DELE1: variants seen among roughly 807,000 people sequenced by gnomAD.
DELE1 encodes the protein death ligand signal enhancer.
In DELE1, 54 loss-of-function variants were observed where a neutral mutation model predicts 59.3. The ratio of observed to expected loss-of-function variants is 0.91; its 90% confidence interval spans 0.73 to 1.14. The LOEUF (loss-of-function observed/expected upper bound fraction) is 1.14. DELE1 is among the 50% of genes most tolerant of loss of function. DELE1 has a pLI of 0.00. For synonymous variants in DELE1, 264 were observed against 259.1 expected, an observed-to-expected ratio of 1.02 and a Z score of -0.18; for missense variants, 636 against 643.9, an observed-to-expected ratio of 0.99 and a Z score of 0.13.
Position 141,937,179 on chromosome 5 carries a change from C to A in DELE1, c.1150-19C>A, listed in dbSNP as rs760006904. ...TTCCTGCATGTGTGTATCTGTTTGT[C>A]TGTCCATTTTCTCCTTAGGACTCAC... On this transcript the variant is annotated intron_variant, in intron 10 of 11. Transcript: ENST00000432126. 1 of 1,613,580 alleles carries A rather than the reference C, an allele frequency of 6.2e-7. No homozygotes were observed. Among genetic ancestry groups the A allele is most frequent in the African/African-American group, 1.3e-5 (1 of 74,916 alleles).
chr5:141,937,081 C>T lies in DELE1; in HGVS notation c.1150-117C>T, dbSNP rs986035735. On this transcript the variant is annotated intron_variant, in intron 10 of 11. Transcript: ENST00000432126. ...GCTATGGGGCGGGCCAGGACTGGGC[C>T]TTGACCGTGTGTGGATGAAGTCCCA... 5.8e-6 allele frequency: 9 copies of T among 1,550,974 alleles called. No homozygotes were observed. In the African/African-American group the frequency reaches 9.5e-5, roughly 16 times the overall value.
At chr5:141,936,960 A>G in intron 10 of DELE1, 6 of 1,336,880 alleles carry the variant, frequency 4.5e-6, no homozygotes, top group Non-Finnish European at 5.8e-6. Flanking sequence ...AAGCCTCCAC[A>G]CTGCCCTGGC....
intron 10 of DELE1, among the ~76,000 whole-genome samples, chr5:141,935,567 CT>C (rs1752284143): frequency 1.3e-5 from 2 of 152,318 alleles, no homozygotes; most frequent in East Asian, 3.9e-4. Context: ...CATCAGAATG[CT>C]TTTCCTTGTC....
chr5:141,941,950 C>T lies in DELE1; in HGVS notation c.*3191C>T, dbSNP rs1036909957. On this transcript the variant is annotated 3_prime_UTR_variant, in exon 12 of 12. Transcript: ENST00000432126. ...TAATTCTGTATTGCCCCCCACTCGC[C>T]GCCTATACACACGCACACACGCACA... The T allele has an allele frequency of 3.7e-5, 36 of 984,954 alleles. No individual in the cohort carries two copies. The highest frequency in any genetic ancestry group is 8.8e-5 in the African/African-American group (5 of 56,924). 61.0% of individuals were successfully genotyped at this position (984,954 alleles called of 1,614,324 possible).
At chr5:141,935,618 A>T (rs1752287525) in intron 10 of DELE1, among the ~76,000 whole-genome samples, 1 of 152,216 alleles carries the variant, frequency 6.6e-6, no homozygotes. Context: ...AGCTGTCAAA[A>T]GGGGACCAAT....
intron 3 of DELE1, among the ~76,000 whole-genome samples, chr5:141,927,940 A>G (rs1751551439): frequency 6.6e-6 from 1 of 152,222 alleles, no homozygotes. Context: ...ATAGACTAAC[A>G]GGAGAGACAG....
rs74644144 is a variant in DELE1, at chr5:141,934,952, C to T, written c.1149+366C>T. The stretch of plus-strand genomic sequence containing the variant: ...ACTTCTTGATTCAAACCTGTTTCCT[C>T]GTCTTTAAAATCAGAATAATAATGC... On this transcript the variant is annotated intron_variant, in intron 10 of 11. Transcript: ENST00000432126. 694 of 231,662 alleles carry T rather than the reference C, an allele frequency of 3.0e-3. 7 individuals are homozygous for T. The highest frequency in any genetic ancestry group is 0.015 in the African/African-American group (647 of 43,922). 14.4% of individuals were successfully genotyped at this position (231,662 alleles called of 1,614,324 possible).
In DELE1 at chr5:141,925,437, C is replaced by A. The variant is rs373027492; in HGVS notation, c.174C>A (p.Ser58Arg). ...CAGGTCCCCATGGCCCAGGCACGAG[C>A]GGGGGTCCAAGGTCCCATGGATGGA... The part of the protein sequence containing the change: ...DRSGPHGPGT[S>R]GGPRSHGWKD... Residue 58 changes from serine to arginine, a missense_variant, in exon 3 of 12, where the codon AGC (serine) becomes AGA (arginine). Coordinates refer to ENST00000432126, the MANE Select transcript of DELE1 (RefSeq NM_014773.5). 1.3e-6 allele frequency: 2 copies of A among 1,597,414 alleles called. No homozygotes were observed. The highest frequency in any genetic ancestry group is 1.7e-6 in the Non-Finnish European group (2 of 1,172,354).
At chr5:141,928,598 GTCAGTCAC>G in intron 4 of DELE1, among the ~76,000 whole-genome samples, 1 of 152,278 alleles carries the variant, frequency 6.6e-6, no homozygotes, top group Middle Eastern at 3.4e-3. Flanking sequence ...TTATTCTCTG[GTCAGTCAC>G]TCAGTCATTC....
At chr5:141,935,747 C>T (rs933283222) in intron 10 of DELE1, among the ~76,000 whole-genome samples, 4 of 152,238 alleles carry the variant, frequency 2.6e-5, no homozygotes, top group Non-Finnish European at 4.4e-5. Context: ...TGCTGGCCTG[C>T]TTTAATCAGA....
chr5:141,941,818 G>A lies in DELE1; in HGVS notation c.*3059G>A. 4 of 985,364 alleles carry A rather than the reference G, an allele frequency of 4.1e-6. No individual in the cohort carries two copies. Among genetic ancestry groups the A allele is most frequent in the Non-Finnish European group, 2.4e-6 (2 of 829,926 alleles). The allele number at this position is 985,364 out of a possible 1,614,324, so 61.0% of individuals were successfully genotyped here. On this transcript the variant is annotated 3_prime_UTR_variant, in exon 12 of 12. Coordinates refer to ENST00000432126, the MANE Select transcript of DELE1 (RefSeq NM_014773.5). ...AAATATACATTCAACAAATAAGTGA[G>A]TGATTATACTCAACTCCCCCCACCC...
intron 10 of DELE1, chr5:141,935,110 G>C (rs1472029148): frequency 6.5e-6 from 1 of 154,362 alleles, no homozygotes; most frequent in Non-Finnish European, 1.4e-5. Flanking sequence ...GGTAACCCAG[G>C]GAAATTAGAA....
rs559692603 is a variant in DELE1, at chr5:141,938,943, A to G, written c.*184A>G. The G allele has an allele frequency of 2.4e-5, 34 of 1,424,604 alleles. No individual in the cohort carries two copies. In the South Asian group the frequency reaches 4.9e-4, roughly 21 times the overall value. The allele number at this position is 1,424,604 out of a possible 1,614,324, so 88.2% of individuals were successfully genotyped here. A position where few individuals can be genotyped will look rare whatever the true frequency, so the allele number is the denominator to read the frequency against. On this transcript the variant is annotated 3_prime_UTR_variant, in exon 12 of 12. Coordinates refer to ENST00000432126, the MANE Select transcript of DELE1 (RefSeq NM_014773.5). Reference sequence around the variant, plus strand: ...CTTTCCCCCCGCTTGGTAGCCTCACAGATGAGTCTTGGATGCATTCACAGT... The same window carrying G: ...CTTTCCCCCCGCTTGGTAGCCTCACGGATGAGTCTTGGATGCATTCACAGT...
At chr5:141,933,630 T>A in intron 8 of DELE1, 2 of 289,704 alleles carry the variant, frequency 6.9e-6, no homozygotes. Flanking sequence ...ATCCTCAGCC[T>A]AGAATAGCAT....
At position 141,928,147 on chromosome 5, in the gene DELE1, C is replaced by T. The variant is rs768304980; in HGVS notation, c.265-4C>T. On this transcript the variant is annotated splice_region_variant and splice_polypyrimidine_tract_variant and intron_variant, in intron 3 of 11. Transcript: ENST00000432126. ...CCGTGTCCTTAACGTGCTGTCTTTC[C>T]CAGGGCACTCTGGCCGTGCTGGCCC... 4 of 1,612,604 alleles carry T rather than the reference C, an allele frequency of 2.5e-6. No homozygotes were observed. The African/African-American group carries it at 5.3e-5, about 22-fold the overall frequency.
At position 141,939,055 on chromosome 5, in the gene DELE1, G is replaced by A; in HGVS notation, c.*296G>A. On this transcript the variant is annotated 3_prime_UTR_variant, in exon 12 of 12. Coordinates refer to ENST00000432126, the MANE Select transcript of DELE1 (RefSeq NM_014773.5). ...TCCAGAGACCCTGGTGCTCACCTTA[G>A]CCTTTGTCTTTGAGCAAATAACTTA... The A allele has an allele frequency of 1.7e-6, 2 of 1,152,352 alleles. No individual in the cohort carries two copies. The highest frequency in any genetic ancestry group is 2.1e-6 in the Non-Finnish European group (2 of 934,972). 71.4% of individuals were successfully genotyped at this position (1,152,352 alleles called of 1,614,324 possible). A position where few individuals can be genotyped will look rare whatever the true frequency, so the allele number is the denominator to read the frequency against.
chr5:141,941,753 C>T lies in DELE1; in HGVS notation c.*2994C>T. The T allele has an allele frequency of 6.1e-6, 6 of 985,122 alleles. No individual in the cohort carries two copies. Among genetic ancestry groups the T allele is most frequent in the Non-Finnish European group, 7.2e-6 (6 of 829,746 alleles). 61.0% of individuals were successfully genotyped at this position (985,122 alleles called of 1,614,324 possible). A position where few individuals can be genotyped will look rare whatever the true frequency, so the allele number is the denominator to read the frequency against. ...AACAAGGCTATTTGGTTTACTATATCATTAGTGCTAATATAGTGTGGGGCA... is the reference window on the plus strand; with the variant it reads ...AACAAGGCTATTTGGTTTACTATATTATTAGTGCTAATATAGTGTGGGGCA... On this transcript the variant is annotated 3_prime_UTR_variant, in exon 12 of 12. Coordinates refer to ENST00000432126, the MANE Select transcript of DELE1 (RefSeq NM_014773.5).
rs1752618470 is a variant in DELE1 at position 141,939,564 on chromosome 5, C to T, written c.*805C>T. ...CTGCTTGACTTTCAGAACTTCTCAC[C>T]TCAGCCCTAAAGAGGGAGCCTGTGG... On this transcript the variant is annotated 3_prime_UTR_variant, in exon 12 of 12. Coordinates refer to ENST00000432126, the MANE Select transcript of DELE1 (RefSeq NM_014773.5). 3 of 984,158 alleles carry T rather than the reference C, an allele frequency of 3.0e-6. No individual in the cohort carries two copies. Among genetic ancestry groups the T allele is most frequent in the African/African-American group, 1.8e-5 (1 of 55,794 alleles). The allele number at this position is 984,158 out of a possible 1,614,324, so 61.0% of individuals were successfully genotyped here.
intron 10 of DELE1, among the ~76,000 whole-genome samples, chr5:141,935,610 C>T (rs928336055): frequency 6.6e-6 from 1 of 152,182 alleles, no homozygotes; most frequent in Non-Finnish European, 1.5e-5. Context: ...TCTGTAGTAG[C>T]TGTCAAAAGG....
Sources: gnomAD v4.1 joint callset for allele counts (sites outside exome capture counted in the v4.1 genomes callset) on GRCh38, gnomAD v4.1.1 for gene constraint, MANE v1.5 for transcripts, NCBI Gene and HGNC (gene_info 2026-07-23, HGNC 2026-07-21) for gene names.